Variants in TNS3 observed in about 807,000 individuals in gnomAD.
TNS3 encodes tensin-3.
Under a neutral mutation model 140.9 loss-of-function variants are expected in TNS3, and 45 were observed. That is an observed-to-expected ratio of 0.32 (90% CI 0.25 to 0.41). The LOEUF (loss-of-function observed/expected upper bound fraction) is 0.41. Ranked by LOEUF, TNS3 falls within the 10% of genes least tolerant of loss-of-function variation. The pLI is 1.00. For missense variants in TNS3, 1,716 were observed against 1,906.7 expected (o/e 0.90, Z 1.86); for synonymous variants, 815 against 788.4 (o/e 1.03, Z -0.56).
chr7:47,478,566 TTAA>T (rs1291879699), intron 4 of TNS3, among the ~76,000 whole-genome samples: 1 of 152,102 alleles, frequency 6.6e-6, no homozygotes, highest in Non-Finnish European at 1.5e-5. Flanking sequence ...CCTACACACA[TTAA>T]TAATTACATA....
intron 20 of TNS3, among the ~76,000 whole-genome samples, chr7:47,340,343 G>A (rs995273842): frequency 6.6e-6 from 1 of 150,474 alleles, no homozygotes; most frequent in Non-Finnish European, 1.5e-5. Flanking sequence ...GGATGGTCTC[G>A]ATCTCTTGAC....
intron 30 of TNS3, 84 bp downstream of exon 30, chr7:47,280,080 C>G: frequency 6.6e-7 from 1 of 1,521,014 alleles, no homozygotes; most frequent in Admixed American, 1.7e-5. Flanking sequence ...TATAAGGCAC[C>G]CCCTGTGCAA....
At chr7:47,530,858 T>TATATATA (rs60516528) in intron 1 of TNS3, among the ~76,000 whole-genome samples, 1 of 131,670 alleles carries the variant, frequency 7.6e-6, no homozygotes, top group African/African-American at 2.8e-5. Flanking sequence ...TATATATATA[T>TATATATA]TTCTAGCACA....
chr7:47,486,860 A>G (rs2151811750), intron 3 of TNS3, among the ~76,000 whole-genome samples: 1 of 152,364 alleles, frequency 6.6e-6, no homozygotes, highest in South Asian at 2.1e-4. Flanking sequence ...TAGCTGATGC[A>G]CTACATATTC....
At chr7:47,557,033 T>C in intron 1 of TNS3, 1 of 456,664 alleles carries the variant, frequency 2.2e-6, no homozygotes, top group Non-Finnish European at 4.4e-6. Context: ...CAACAGAACC[T>C]GACCTGTGCA....
At chr7:47,410,326 G>A (rs990195540) in intron 13 of TNS3, among the ~76,000 whole-genome samples, 9 of 152,312 alleles carry the variant, frequency 5.9e-5, no homozygotes, top group Admixed American at 1.3e-4. Context: ...CTATAAAAAC[G>A]TATGACGCAC....
intron 1 of TNS3, among the ~76,000 whole-genome samples, chr7:47,574,461 T>C (rs1800626224): frequency 6.6e-6 from 1 of 151,790 alleles, no homozygotes; most frequent in Admixed American, 6.6e-5. Context: ...AATTTGACCA[T>C]ATATACTAAG....
intron 16 of TNS3, among the ~76,000 whole-genome samples, chr7:47,388,999 GA>G (rs1179417014): frequency 0.022 from 375 of 17,114 alleles, 45 homozygotes; most frequent in Non-Finnish European, 0.15. Context: ...AGAAGAAGAA[GA>G]AGGAAGAAGA....
At chr7:47,390,263 A>G (rs1792433896) in intron 16 of TNS3, among the ~76,000 whole-genome samples, 1 of 152,184 alleles carries the variant, frequency 6.6e-6, no homozygotes, top group Non-Finnish European at 1.5e-5. Flanking sequence ...AAACCCAACA[A>G]TGTCTGGGGA....
At chr7:47,476,306 C>A (rs963041832) in intron 4 of TNS3, among the ~76,000 whole-genome samples, 1 of 152,196 alleles carries the variant, frequency 6.6e-6, no homozygotes, top group African/African-American at 2.4e-5. Flanking sequence ...CTAGTCCATG[C>A]TCACACCTAC....
chr7:47,280,000 C>T (rs980113089), intron 30 of TNS3, 164 bp downstream of exon 30: 1 of 798,586 alleles, frequency 1.3e-6, no homozygotes, highest in Non-Finnish European at 2.0e-6. Flanking sequence ...CATCCAGATC[C>T]TTGTCCATAA....
chr7:47,576,867 C>T (rs936511932), intron 1 of TNS3, among the ~76,000 whole-genome samples: 1 of 152,222 alleles, frequency 6.6e-6, no homozygotes, highest in African/African-American at 2.4e-5. Context: ...GAGCAGAGCC[C>T]GGGCTCTCCT....
chr7:47,358,582 C>CG (rs1296334328), intron 17 of TNS3, among the ~76,000 whole-genome samples: 42 of 152,188 alleles, frequency 2.8e-4, no homozygotes, highest in Non-Finnish European at 2.9e-5. Flanking sequence ...TGGGGAGCGA[C>CG]GCAGCCGGTG....
rs117913293 is a variant in TNS3 at position 47,480,097 on chromosome 7, C to T, written c.-76+1006G>A. 5.6e-3 allele frequency among the ~76,000 whole-genome samples: 846 copies of T among 152,346 alleles called. 7 individuals carry two copies. Among genetic ancestry groups the T allele is most frequent in the Non-Finnish European group, 9.3e-3 (630 of 68,036 alleles). ...GCTGGCCGAGCCTGGGGAAGGATGT[C>T]CTACTGCACCACAAGACAGAGCCAG... On this transcript the variant is annotated intron_variant, in intron 4 of 30. Transcript: ENST00000311160.
At chr7:47,479,488 AC>A (rs201074637) in intron 4 of TNS3, among the ~76,000 whole-genome samples, 2,911 of 38,980 alleles carry the variant, frequency 0.075, 36 homozygotes, top group Non-Finnish European at 0.11. Flanking sequence ...CTACTCCCCC[AC>A]CCCCCCGTCG....
chr7:47,428,220 T>A (rs1043486973), intron 9 of TNS3, 92 bp downstream of exon 9: 17 of 928,044 alleles, frequency 1.8e-5, no homozygotes, highest in Non-Finnish European at 2.4e-5. Flanking sequence ...GAGCCCTTGG[T>A]ATCCAGAACA....
chr7:47,302,641 T>C (rs1263656357), intron 22 of TNS3, among the ~76,000 whole-genome samples: 3 of 152,168 alleles, frequency 2.0e-5, no homozygotes, highest in Non-Finnish European at 4.4e-5. Flanking sequence ...GACAAGGAAT[T>C]TGTTATTTAC....
At chr7:47,530,462 G>GA (rs1013228092) in intron 1 of TNS3, among the ~76,000 whole-genome samples, 5 of 151,874 alleles carry the variant, frequency 3.3e-5, no homozygotes, top group African/African-American at 1.2e-4. Flanking sequence ...GGGGATATTT[G>GA]AAAAAATAAT....
intron 1 of TNS3, among the ~76,000 whole-genome samples, chr7:47,577,452 C>G (rs1184523185): frequency 6.6e-6 from 1 of 152,146 alleles, no homozygotes; most frequent in East Asian, 1.9e-4. Flanking sequence ...CTGAGGTAGA[C>G]AGCAGGCACG....
Sources: gnomAD v4.1 joint callset for allele counts (sites outside exome capture counted in the v4.1 genomes callset) on GRCh38, gnomAD v4.1.1 for gene constraint, MANE v1.5 for transcripts, NCBI Gene and HGNC (gene_info 2026-07-23, HGNC 2026-07-21) for gene names.